The following MIA2 variants were observed in gnomAD, a reference collection of about 807,000 sequenced individuals.
The protein encoded by MIA2 is MIA SH3 domain ER export factor 2, also known as melanoma inhibitory activity protein 2.
A neutral mutation model predicts 167.8 loss-of-function variants in MIA2; 127 were observed. That is an observed-to-expected ratio of 0.76 (90% confidence interval 0.66 to 0.88). The LOEUF (loss-of-function observed/expected upper bound fraction) is 0.88, where lower values mean the gene tolerates loss of function less well. Among genes scored for constraint, MIA2 ranks in the 40% least tolerant of loss-of-function variants. The pLI, the probability that MIA2 is intolerant of heterozygous loss-of-function variation, is 0.00. For missense variants in MIA2, 1,690 were observed against 1,624.7 expected, an observed-to-expected ratio of 1.04 and a Z score of -0.69; for synonymous variants, 552 against 541.9, an observed-to-expected ratio of 1.02 and a Z score of -0.26.
exon 24 of MIA2, chr14:39,387,052 C>A: frequency 1.5e-6 from 1 of 682,030 alleles, no homozygotes; most frequent in Non-Finnish European, 2.5e-6. Flanking sequence ...GGGTAGCTGG[C>A]GGCGGGTAAT....
chr14:39,387,240 C>T (rs1210152653), exon 24 of MIA2: 1 of 355,880 alleles, frequency 2.8e-6, no homozygotes, highest in African/African-American at 2.1e-5. Flanking sequence ...AAAGGATTCA[C>T]CCTTCTAGAT....
chr14:39,293,418 G>C, intron 11 of MIA2, 37 bp downstream of exon 11: 1 of 1,294,470 alleles, frequency 7.7e-7, no homozygotes, highest in Admixed American at 2.1e-5. Flanking sequence ...ATAAGAAAAA[G>C]AAAGTTACTG....
At chr14:39,358,574 G>C (rs1284569032) in intron 23 of MIA2, among the ~76,000 whole-genome samples, 1 of 152,198 alleles carries the variant, frequency 6.6e-6, no homozygotes, top group Non-Finnish European at 1.5e-5. Flanking sequence ...TCTCTGTCCA[G>C]CTTTGTTCTG....
At chr14:39,359,394 G>A (rs62000716) in intron 23 of MIA2, among the ~76,000 whole-genome samples, 29 of 152,262 alleles carry the variant, frequency 1.9e-4, no homozygotes, top group East Asian at 1.4e-3. Context: ...TGATAAGACC[G>A]TTGGAAAAAC....
chr14:39,362,694 G>C (rs2074713577), intron 23 of MIA2, among the ~76,000 whole-genome samples: 1 of 151,852 alleles, frequency 6.6e-6, no homozygotes, highest in African/African-American at 2.4e-5. Flanking sequence ...GTTCTGCTCT[G>C]ATCTTTATTA....
chr14:39,274,393 T>G (rs1208873136), intron 6 of MIA2, among the ~76,000 whole-genome samples: 1 of 152,038 alleles, frequency 6.6e-6, no homozygotes, highest in East Asian at 1.9e-4. Flanking sequence ...GAATTTGAGA[T>G]GAATCCTTTA....
intron 25 of MIA2, 68 bp downstream of exon 25, chr14:39,327,090 A>G (rs2067720323): frequency 1.6e-6 from 2 of 1,236,970 alleles, no homozygotes; most frequent in Non-Finnish European, 2.1e-6. Context: ...ACAGGAATGG[A>G]AGAAGGGAGG....
chr14:39,353,560 A>G (rs1007061446), downstream of MIA2, among the ~76,000 whole-genome samples: 2 of 152,088 alleles, frequency 1.3e-5, no homozygotes, highest in East Asian at 1.9e-4. Flanking sequence ...CTTTGTGTAT[A>G]TATACCACAT....
intron 17 of MIA2, among the ~76,000 whole-genome samples, chr14:39,308,116 C>T (rs2063654289): frequency 6.6e-6 from 1 of 151,912 alleles, no homozygotes; most frequent in South Asian, 2.1e-4. Context: ...TTTTGAATAG[C>T]TAGAAGAGAG....
At chr14:39,300,007 T>C (rs2152871671) in intron 14 of MIA2, 21 bp downstream of exon 14, 1 of 1,574,366 alleles carries the variant, frequency 6.4e-7, no homozygotes, top group Non-Finnish European at 8.6e-7. Flanking sequence ...CTACTGGTTT[T>C]AGTGATCAAG....
At chr14:39,328,317 TTTGCTTTTTTCTTG>T (rs2068000741) in intron 25 of MIA2, among the ~76,000 whole-genome samples, 3 of 152,204 alleles carry the variant, frequency 2.0e-5, no homozygotes, top group African/African-American at 7.2e-5. Flanking sequence ...GTTGGGGTTG[TTTGCTTTTTTCTTG>T]TAAATTTAAG....
chr14:39,251,375 A>C lies in MIA2; in HGVS notation c.1568-1373A>C, dbSNP rs190109427. ...TATTTTGACTTAAAATTCTGCTAAT[A>C]AGCAATGATAAAAGCATATCTGTAT... On this transcript the variant is annotated intron_variant, in intron 4 of 28. Coordinates refer to ENST00000640607, the MANE Select transcript of MIA2 (RefSeq NM_001329214.4). 5.7e-5 allele frequency among the ~76,000 whole-genome samples: 8 copies of C among 140,218 alleles called. No individual in the cohort carries two copies. The East Asian group carries it at 1.5e-3, about 27-fold the overall frequency. The allele number at this position is 140,218 out of a possible 152,430, so 92.0% of individuals were successfully genotyped here. A position where few individuals can be genotyped will look rare whatever the true frequency, so the allele number is the denominator to read the frequency against.
chr14:39,310,139 T>G (rs1259714762), intron 18 of MIA2, among the ~76,000 whole-genome samples: 1 of 152,148 alleles, frequency 6.6e-6, no homozygotes, highest in Non-Finnish European at 1.5e-5. Context: ...ATGGACATAT[T>G]CAGAATGATG....
intron 25 of MIA2, among the ~76,000 whole-genome samples, chr14:39,336,612 A>G (rs989953820): frequency 1.3e-5 from 2 of 152,240 alleles, no homozygotes; most frequent in African/African-American, 4.8e-5. Context: ...TTCATCTAAC[A>G]TTCTTATATG....
At chr14:39,285,345 C>T (rs1263340813) in intron 9 of MIA2, among the ~76,000 whole-genome samples, 2 of 151,886 alleles carry the variant, frequency 1.3e-5, no homozygotes, top group African/African-American at 2.4e-5. Context: ...AGGCGCCCCC[C>T]CACCTCCCGG....
At chr14:39,238,195 G>A (rs184010730) in intron 2 of MIA2, among the ~76,000 whole-genome samples, 1 of 143,142 alleles carries the variant, frequency 7.0e-6, no homozygotes, top group African/African-American at 2.6e-5. Context: ...TTTTTATTGA[G>A]ACAGAGTCTC....
intron 25 of MIA2, among the ~76,000 whole-genome samples, chr14:39,344,978 C>T (rs953444731): frequency 3.3e-5 from 5 of 152,280 alleles, no homozygotes; most frequent in Admixed American, 6.5e-5. Flanking sequence ...AGTTGGTGTC[C>T]AAATTTGTGT....
At chr14:39,252,195 C>T (rs1206672731) in intron 4 of MIA2, among the ~76,000 whole-genome samples, 1 of 152,042 alleles carries the variant, frequency 6.6e-6, no homozygotes, top group African/African-American at 2.4e-5. Context: ...AACCCCCAGA[C>T]CCTGAGAATA....
intron 9 of MIA2, among the ~76,000 whole-genome samples, chr14:39,281,925 C>T (rs1199782385): frequency 6.6e-6 from 1 of 152,024 alleles, no homozygotes; most frequent in Non-Finnish European, 1.5e-5. Flanking sequence ...CTGGCCTATG[C>T]TCTCTTATTT....
Sources: gnomAD v4.1 joint callset for allele counts (sites outside exome capture counted in the v4.1 genomes callset) on GRCh38, gnomAD v4.1.1 for gene constraint, MANE v1.5 for transcripts, NCBI Gene and HGNC (gene_info 2026-07-23, HGNC 2026-07-21) for gene names.